TTLL7: variants seen among roughly 807,000 people sequenced by gnomAD.
The protein encoded by TTLL7 is tubulin tyrosine ligase like 7.
In TTLL7, 53 loss-of-function variants were observed where a neutral mutation model predicts 120.2. That is an observed-to-expected ratio of 0.44 (90% CI 0.35 to 0.55). The LOEUF (loss-of-function observed/expected upper bound fraction) is 0.55. Ranked by LOEUF, TTLL7 falls within the 20% of genes least tolerant of loss-of-function variation. TTLL7 has a pLI of 0.00. For synonymous variants in TTLL7, 353 were observed against 351.7 expected, an observed-to-expected ratio of 1.00 and a Z score of -0.04; for missense variants, 803 against 1,054.7, an observed-to-expected ratio of 0.76 and a Z score of 3.31.
chr1:83,980,276 A>G (rs912990939), intron 1 of TTLL7: 9 of 152,158 alleles, frequency 5.9e-5, no homozygotes, highest in Non-Finnish European at 1.2e-4. Flanking sequence ...CTGCTGGCTG[A>G]GACAGGCATT....
At chr1:83,906,252 AG>A (rs1171280058) in intron 17 of TTLL7, 76 bp downstream of exon 17, 2 of 1,278,914 alleles carry the variant, frequency 1.6e-6, no homozygotes, top group Non-Finnish European at 2.2e-6. Context: ...TAATGCCTTC[AG>A]GAAATAAATT....
chr1:83,913,315 C>G (rs1308965913), intron 14 of TTLL7, among the ~76,000 whole-genome samples: 5 of 152,158 alleles, frequency 3.3e-5, no homozygotes, highest in Admixed American at 3.3e-4. Context: ...ACATGCCTAT[C>G]ACCCAGCTTA....
In TTLL7 at chr1:83,921,384, T is replaced by A; in HGVS notation, c.1153A>T (p.Lys385Ter). 1 of 1,611,138 alleles carries A rather than the reference T, an allele frequency of 6.2e-7. No homozygotes were observed. Among genetic ancestry groups the A allele is most frequent in the South Asian group, 1.1e-5 (1 of 90,910 alleles). The change falls in exon 11 of 21, where the codon AAA (lysine) becomes TAA (stop). Residue 385 changes from lysine (K) to a stop codon, truncating the protein, a stop_gained. Transcript: ENST00000260505. LOFTEE classifies it high-confidence loss of function. Reference sequence around the variant, plus strand: ...TTTTGTTTGGCCAAGTTTCTTCTTTTGTCACTGGTCCTAAAATATAAAACA... The same window carrying A: ...TTTTGTTTGGCCAAGTTTCTTCTTTAGTCACTGGTCCTAAAATATAAAACA... ...LKLLNIRTSDKRRNLAKQKAE... is the reference protein window; with the variant it reads ...LKLLNIRTSD
intron 1 of TTLL7, among the ~76,000 whole-genome samples, chr1:83,978,391 A>T (rs1438623641): frequency 6.6e-6 from 1 of 152,124 alleles, no homozygotes; most frequent in Non-Finnish European, 1.5e-5. Context: ...CTTAACCAGA[A>T]CCCTATCCAA....
chr1:83,867,906 A>T lies in TTLL7; in HGVS notation c.*2056T>A, dbSNP rs1265990738. 6.6e-6 allele frequency: 1 copy of T among 152,126 alleles called. No homozygotes were observed. The highest frequency in any genetic ancestry group is 2.4e-5 in the African/African-American group (1 of 41,440). 9.4% of individuals were successfully genotyped at this position (152,126 alleles called of 1,614,324 possible). A position where few individuals can be genotyped will look rare whatever the true frequency, so the allele number is the denominator to read the frequency against. On this transcript the variant is annotated 3_prime_UTR_variant, in exon 21 of 21. Coordinates refer to ENST00000260505, the MANE Select transcript of TTLL7 (RefSeq NM_024686.6). ...TAAGAATTCACAAAATGGAGTCATAAACAGTGTAGTCACTGTAATTTCCTT... is the reference window on the plus strand; with the variant it reads ...TAAGAATTCACAAAATGGAGTCATATACAGTGTAGTCACTGTAATTTCCTT...
At chr1:83,885,447 T>C (rs1400009498) in intron 19 of TTLL7, among the ~76,000 whole-genome samples, 1 of 152,026 alleles carries the variant, frequency 6.6e-6, no homozygotes, top group African/African-American at 2.4e-5. Flanking sequence ...CTGATGTAAC[T>C]TCTTGAATAA....
chr1:83,940,761 A>G (rs974302269), intron 7 of TTLL7, among the ~76,000 whole-genome samples: 24 of 152,150 alleles, frequency 1.6e-4, no homozygotes, highest in African/African-American at 5.8e-4. Context: ...ACAACTTTAC[A>G]TATTATTCAA....
intron 20 of TTLL7, among the ~76,000 whole-genome samples, chr1:83,876,816 GATTT>G (rs1653971856): frequency 6.6e-6 from 1 of 151,812 alleles, no homozygotes; most frequent in Admixed American, 6.6e-5. Flanking sequence ...ATTTATCATA[GATTT>G]ATTTACATTT....
chr1:83,962,688 T>A lies in TTLL7; in HGVS notation c.-176-10301A>T, dbSNP rs532256391. 2.6e-5 allele frequency among the ~76,000 whole-genome samples: 4 copies of A among 152,230 alleles called. 1 individual carries two copies. Among genetic ancestry groups the A allele is most frequent in the Admixed American group, 2.6e-4 (4 of 15,262 alleles). ...TATACGTGGCCTGGCCAGTGAAGTG[T>A]AAGCAGAAGTTGTTGAGCAGGACTT... On this transcript the variant is annotated intron_variant, in intron 1 of 20. Coordinates refer to ENST00000260505, the MANE Select transcript of TTLL7 (RefSeq NM_024686.6).
At chr1:83,887,083 C>T in intron 19 of TTLL7, 1 of 255,678 alleles carries the variant, frequency 3.9e-6, no homozygotes, top group South Asian at 6.8e-5. Flanking sequence ...TTTGATACAT[C>T]AGCAAAACCC....
intron 10 of TTLL7, among the ~76,000 whole-genome samples, chr1:83,923,732 A>C (rs1324664758): frequency 3.3e-5 from 5 of 152,166 alleles, no homozygotes; most frequent in Non-Finnish European, 7.4e-5. Flanking sequence ...AATCAGCACT[A>C]ATGACTCTCA....
At chr1:83,968,710 T>C (rs1650706911) in intron 1 of TTLL7, among the ~76,000 whole-genome samples, 1 of 152,060 alleles carries the variant, frequency 6.6e-6, no homozygotes, top group African/African-American at 2.4e-5. Flanking sequence ...ACTCATCTTA[T>C]ACTGTCAAGG....
intron 1 of TTLL7, among the ~76,000 whole-genome samples, chr1:83,959,078 T>C (rs992063648): frequency 6.6e-6 from 1 of 152,224 alleles, no homozygotes; most frequent in Non-Finnish European, 1.5e-5. Context: ...TATATATTAA[T>C]GTCTAAAGAG....
At chr1:83,992,451 A>T (rs1351258020) in intron 1 of TTLL7, among the ~76,000 whole-genome samples, 1 of 152,138 alleles carries the variant, frequency 6.6e-6, no homozygotes, top group Non-Finnish European at 1.5e-5. Flanking sequence ...AGAAAAAAAA[A>T]ACAAAAGGAC....
At chr1:83,969,809 T>C (rs1041115725) in intron 1 of TTLL7, among the ~76,000 whole-genome samples, 3 of 151,882 alleles carry the variant, frequency 2.0e-5, no homozygotes, top group Admixed American at 1.3e-4. Context: ...GTCATTAAAA[T>C]TGAAAATGAA....
At chr1:83,907,012 T>C (rs1657251288) in intron 16 of TTLL7, among the ~76,000 whole-genome samples, 2 of 152,068 alleles carry the variant, frequency 1.3e-5, no homozygotes, top group South Asian at 4.1e-4. Flanking sequence ...TATGTTAATT[T>C]AACATACAGA....
chr1:83,950,281 C>A (rs533906428), intron 3 of TTLL7, among the ~76,000 whole-genome samples: 1 of 152,144 alleles, frequency 6.6e-6, no homozygotes, highest in Non-Finnish European at 1.5e-5. Context: ...AAGGAAAACA[C>A]ACACAGCTGA....
intron 5 of TTLL7, 71 bp from the exon 6 acceptor site, chr1:83,947,353 T>A: frequency 1.5e-6 from 2 of 1,353,672 alleles, no homozygotes; most frequent in South Asian, 2.7e-5. Context: ...TCTGGGCTAC[T>A]GATATTTGCC....
At position 83,870,044 on chromosome 1, in the gene TTLL7, G is replaced by A; in HGVS notation, c.2582C>T (p.Thr861Ile). 6.3e-7 allele frequency: 1 copy of A among 1,582,198 alleles called. No homozygotes were observed. The highest frequency in any genetic ancestry group is 8.6e-7 in the Non-Finnish European group (1 of 1,168,774). Reference protein sequence around the residue: ...LPGSTQFFLRTPTYNLKYNSP... With the variant: ...LPGSTQFFLRIPTYNLKYNSP... ...ATTGTACTTCAAGTTGTAGGTTGGT[G>A]TTCTCAAGAAGAATTGGGTGCTCCC... Residue 861 changes from threonine to isoleucine, a missense_variant, in exon 21 of 21, where the codon ACA (threonine) becomes ATA (isoleucine). By Grantham distance (89) the Thr-to-Ile change is moderately conservative (BLOSUM62 -1). Around this residue, in one of 3 missense-constraint regions of TTLL7, gnomAD observed 388 missense variants for 450.4 expected, o/e 0.86. Transcript: ENST00000260505.
Sources: gnomAD v4.1 joint callset for allele counts (sites outside exome capture counted in the v4.1 genomes callset) on GRCh38, gnomAD v4.1.1 for gene constraint, gnomAD v4.1.1 regional missense constraint, MANE v1.5 for transcripts, NCBI Gene and HGNC (gene_info 2026-07-23, HGNC 2026-07-21) for gene names.